SPATA13: variants seen among roughly 807,000 people sequenced by gnomAD.
SPATA13 encodes the protein spermatogenesis associated 13, also known as spermatogenesis-associated protein 13.
Under a neutral mutation model 104.0 loss-of-function variants are expected in SPATA13, and 50 were observed. The observed-to-expected ratio is 0.48, with a 90% CI of 0.38 to 0.61. SPATA13 has a LOEUF of 0.61. Ranked by LOEUF, SPATA13 falls within the 20% of genes least tolerant of loss-of-function variation. The pLI, the probability that SPATA13 is intolerant of heterozygous loss-of-function variation, is 0.00. For synonymous variants in SPATA13, 606 were observed against 667.5 expected (o/e 0.91, Z 1.42); for missense variants, 1,524 against 1,690.6 (o/e 0.90, Z 1.73).
chr13:24,194,179 G>A (rs9511129), intron 1 of SPATA13, among the ~76,000 whole-genome samples: 65,149 of 152,046 alleles, frequency 0.43, 16,124 homozygotes, highest in Non-Finnish European at 0.56. Flanking sequence ...CAAGACTGCA[G>A]TGGTACAGGC....
chr13:24,260,068 G>C (rs761234347), intron 4 of SPATA13, among the ~76,000 whole-genome samples: 11 of 152,320 alleles, frequency 7.2e-5, no homozygotes, highest in Admixed American at 1.3e-4. Flanking sequence ...GAGGAAGCTA[G>C]AGAGTGTTCC....
intron 1 of SPATA13, among the ~76,000 whole-genome samples, chr13:24,177,918 A>G (rs1868533133): frequency 6.6e-6 from 1 of 150,896 alleles, no homozygotes; most frequent in East Asian, 2.0e-4. Flanking sequence ...GTATGGTGGT[A>G]CAATCATGGC....
intron 2 of SPATA13, among the ~76,000 whole-genome samples, chr13:24,001,498 G>T (rs1289022369): frequency 2.6e-5 from 4 of 151,996 alleles, no homozygotes; most frequent in Non-Finnish European, 5.9e-5. Flanking sequence ...CGGTGGAGAG[G>T]GGAGAATGAG....
chr13:23,982,959 G>A (rs149867876), intron 1 of SPATA13, among the ~76,000 whole-genome samples: 2 of 152,356 alleles, frequency 1.3e-5, no homozygotes, highest in Non-Finnish European at 1.5e-5. Flanking sequence ...AAGAAGGTGA[G>A]AGAAACTCTT....
chr13:24,143,140 G>A (rs947613315), intron 3 of SPATA13, among the ~76,000 whole-genome samples: 2 of 152,222 alleles, frequency 1.3e-5, no homozygotes, highest in Non-Finnish European at 2.9e-5. Context: ...ATCCACCACT[G>A]GGTGAGGGTG....
At chr13:24,003,029 G>A (rs1876052910) in intron 2 of SPATA13, among the ~76,000 whole-genome samples, 1 of 152,186 alleles carries the variant, frequency 6.6e-6, no homozygotes, top group Non-Finnish European at 1.5e-5. Flanking sequence ...CTCAGGCCAG[G>A]AGTGTATGGG....
chr13:24,120,831 ATGGGGCTAAACATGGT>A (rs1334620801), intron 3 of SPATA13, among the ~76,000 whole-genome samples: 2 of 152,174 alleles, frequency 1.3e-5, no homozygotes, highest in Non-Finnish European at 2.9e-5. Context: ...AAAAGAAGAA[ATGGGGCTAAACATGGT>A]TGGAGGGAAA....
Position 24,224,590 on chromosome 13 carries a change from C to T in SPATA13, c.1653+8C>T. Reference sequence around the variant, plus strand: ...GAAAAGGAGAAGGAGGAGGTAAGGGCAGCGGCGAGGTCCCTCATGTGGGCG... The same window carrying T: ...GAAAAGGAGAAGGAGGAGGTAAGGGTAGCGGCGAGGTCCCTCATGTGGGCG... On this transcript the variant is annotated splice_region_variant and intron_variant, in intron 2 of 12. Coordinates refer to ENST00000382108, the MANE Select transcript of SPATA13 (RefSeq NM_001166271.3). 6.5e-7 allele frequency: 1 copy of T among 1,537,288 alleles called. No homozygotes were observed. The highest frequency in any genetic ancestry group is 1.2e-5 in the South Asian group (1 of 84,050).
At chr13:24,231,168 A>AT (rs1872251158) in intron 2 of SPATA13, among the ~76,000 whole-genome samples, 4 of 151,974 alleles carry the variant, frequency 2.6e-5, no homozygotes, top group African/African-American at 9.7e-5. Flanking sequence ...CAATTCAGTG[A>AT]TTTTTATATG....
intron 3 of SPATA13, among the ~76,000 whole-genome samples, chr13:24,060,511 A>C (rs1486430119): frequency 2.0e-5 from 3 of 152,262 alleles, no homozygotes; most frequent in Non-Finnish European, 4.4e-5. Context: ...ACCATACTGG[A>C]CATAGGCATA....
chr13:24,014,080 T>C (rs1876600155), intron 2 of SPATA13, among the ~76,000 whole-genome samples: 2 of 152,156 alleles, frequency 1.3e-5, no homozygotes, highest in Admixed American at 1.3e-4. Context: ...ACAGAAATGG[T>C]TTGCCTCGCT....
intron 2 of SPATA13, among the ~76,000 whole-genome samples, chr13:24,241,125 G>T (rs1189592136): frequency 2.6e-5 from 4 of 152,190 alleles, no homozygotes; most frequent in Non-Finnish European, 5.9e-5. Context: ...AACCACTGAA[G>T]ATTCTTACAG....
intron 3 of SPATA13, among the ~76,000 whole-genome samples, chr13:24,114,876 G>A (rs1880783557): frequency 6.6e-6 from 1 of 152,108 alleles, no homozygotes; most frequent in African/African-American, 2.4e-5. Flanking sequence ...TGGTCAGGCT[G>A]GTCTCGAACT....
At chr13:24,157,088 T>C (rs1882276662), upstream of SPATA13, among the ~76,000 whole-genome samples, 1 of 152,196 alleles carries the variant, frequency 6.6e-6, no homozygotes, top group Admixed American at 6.5e-5. Flanking sequence ...TAACCCGGTC[T>C]AGACCTTAAG....
rs1877870044 is a variant in SPATA13, at chr13:24,040,316, A to G, written c.-112+22615A>G. Reference sequence around the variant, plus strand: ...TCTCACAAACCTGGTTTTTCAAATCAGGAAATCAGTGGCTTGAGAAGTTTA... The same window carrying G: ...TCTCACAAACCTGGTTTTTCAAATCGGGAAATCAGTGGCTTGAGAAGTTTA... On this transcript the variant is annotated intron_variant, in intron 3 of 14. Coordinates refer to the SPATA13 transcript ENST00000424834. 3.3e-5 allele frequency among the ~76,000 whole-genome samples: 5 copies of G among 152,322 alleles called. No homozygotes were observed. In the South Asian group the frequency reaches 8.3e-4, roughly 25 times the overall value.
At position 24,297,420 on chromosome 13, in the gene SPATA13, A is replaced by G; in HGVS notation, c.3268A>G (p.Ile1090Val). ...ELIHSGELTK[I>V]TKQGKSQQRT... ...GATTCATTCTGGGGAGCTGACCAAA[A>G]TCACTAAGCAAGGCAAAAGCCAGCA... Residue 1090 changes from isoleucine (I) to valine (V), a missense_variant, in exon 11 of 13, where the codon ATC (isoleucine) becomes GTC (valine). Physicochemically the swap from Ile to Val is conservative, Grantham distance 29 (BLOSUM62 3). Around this residue, in one of 2 missense-constraint regions of SPATA13, gnomAD observed 435 missense variants for 554.8 expected, o/e 0.78. Coordinates refer to ENST00000382108, the MANE Select transcript of SPATA13 (RefSeq NM_001166271.3). 1 of 1,614,064 alleles carries G rather than the reference A, an allele frequency of 6.2e-7. No individual in the cohort carries two copies. Among genetic ancestry groups the G allele is most frequent in the Non-Finnish European group, 8.5e-7 (1 of 1,180,018 alleles).
At chr13:24,270,851 CAG>C (rs1234420579) in intron 4 of SPATA13, 1 of 1,612,822 alleles carries the variant, frequency 6.2e-7, no homozygotes, top group Non-Finnish European at 8.5e-7. Flanking sequence ...GTTTTCCAAA[CAG>C]AAGGATGGTA....
intron 2 of SPATA13, among the ~76,000 whole-genome samples, chr13:24,248,302 T>C (rs1462090181): frequency 6.6e-6 from 1 of 152,232 alleles, no homozygotes; most frequent in Admixed American, 6.5e-5. Flanking sequence ...CTCATCCTTC[T>C]AAGGACCTGC....
chr13:23,984,247 AAAG>A (rs1018577828), intron 2 of SPATA13, among the ~76,000 whole-genome samples: 2 of 152,354 alleles, frequency 1.3e-5, no homozygotes, highest in Admixed American at 1.3e-4. Context: ...CAAGTCAGCT[AAAG>A]AAGAAGGTTC....
Sources: allele counts gnomAD v4.1 joint callset (sites outside exome capture counted in the v4.1 genomes callset), GRCh38; gene constraint gnomAD v4.1.1; regional missense constraint gnomAD v4.1.1; transcripts MANE v1.5; gene names NCBI Gene and HGNC (gene_info 2026-07-23, HGNC 2026-07-21).